KLHL29: variants seen among roughly 807,000 people sequenced by gnomAD.
KLHL29 encodes the protein kelch-like protein 29.
A neutral mutation model predicts 80.4 loss-of-function variants in KLHL29; 21 were observed. That is an observed-to-expected ratio of 0.26 (90% CI 0.19 to 0.38). The LOEUF (loss-of-function observed/expected upper bound fraction) is 0.38. Ranked by LOEUF, KLHL29 falls within the 10% of genes least tolerant of loss-of-function variation. The pLI is 1.00. For synonymous variants in KLHL29, 511 were observed against 526.8 expected (o/e 0.97, Z 0.41); for missense variants, 867 against 1,223.9 (o/e 0.71, Z 4.35).
At chr2:23,423,378 T>C (rs1421163726) in intron 1 of KLHL29, among the ~76,000 whole-genome samples, 1 of 152,078 alleles carries the variant, frequency 6.6e-6, no homozygotes, top group Non-Finnish European at 1.5e-5. Context: ...ACCGAAGGGG[T>C]CCCTTCCGCC....
At position 23,457,338 on chromosome 2, in the gene KLHL29, C is replaced by T. The variant is rs560024042; in HGVS notation, c.-153-18222C>T. ...AGGCCTTTCCTGTGAGAAGTGGTGG[C>T]TTTGAGCTGTGGGGACCTAGAGAAG... On this transcript the variant is annotated intron_variant, in intron 1 of 13. Transcript: ENST00000486442. The surrounding 1 kb of genome is among the most constrained non-coding windows in gnomAD (Gnocchi z 4.3). Among the ~76,000 whole-genome samples, 32 of 152,296 alleles carry T rather than the reference C, an allele frequency of 2.1e-4. No homozygotes were observed. The highest frequency in any genetic ancestry group is 4.0e-4 in the Non-Finnish European group (27 of 68,024).
chr2:23,412,800 T>C (rs1666898337), intron 1 of KLHL29, among the ~76,000 whole-genome samples: 1 of 152,120 alleles, frequency 6.6e-6, no homozygotes, highest in Admixed American at 6.5e-5. Flanking sequence ...ACTTGTCTCC[T>C]CCGCAAGAAG....
chr2:23,450,342 A>G (rs545205071), intron 1 of KLHL29, among the ~76,000 whole-genome samples: 1 of 152,110 alleles, frequency 6.6e-6, no homozygotes, highest in African/African-American at 2.4e-5. Context: ...TTGTTTTTCT[A>G]TAGCTTAGAT....
chr2:23,501,717 T>A (rs1203494680), intron 2 of KLHL29, among the ~76,000 whole-genome samples: 1 of 151,990 alleles, frequency 6.6e-6, no homozygotes, highest in East Asian at 1.9e-4. Flanking sequence ...AGCCTATAGG[T>A]CCCCTCTAAA....
intron 1 of KLHL29, among the ~76,000 whole-genome samples, chr2:23,447,554 G>A (rs1663734879): frequency 6.6e-6 from 1 of 152,196 alleles, no homozygotes; most frequent in African/African-American, 2.4e-5. Context: ...TCACAAATCA[G>A]TCTGCTGCAT....
intron 2 of KLHL29, among the ~76,000 whole-genome samples, chr2:23,520,112 G>A (rs769037705): frequency 1.1e-4 from 16 of 152,198 alleles, no homozygotes; most frequent in Admixed American, 5.9e-4. Context: ...GAGTGGCAGA[G>A]AGAGGAGGAC....
rs1307940248 is a variant in KLHL29 at position 23,547,680 on chromosome 2, G to A, written c.-45-14472G>A. On this transcript the variant is annotated intron_variant, in intron 2 of 13. Coordinates refer to ENST00000486442, the MANE Select transcript of KLHL29 (RefSeq NM_052920.2). ...AGTGACCACCCCTCCCGCCTCCCCCGAGAAAAACCCCAAATGCTATTTGGG... is the reference window on the plus strand; with the variant it reads ...AGTGACCACCCCTCCCGCCTCCCCCAAGAAAAACCCCAAATGCTATTTGGG... 9.9e-5 allele frequency among the ~76,000 whole-genome samples: 15 copies of A among 152,078 alleles called. No individual in the cohort carries two copies. In the East Asian group the frequency reaches 2.1e-3, roughly 22 times the overall value.
At chr2:23,639,302 A>T in intron 4 of KLHL29, 22 bp downstream of exon 4, 1 of 1,543,082 alleles carries the variant, frequency 6.5e-7, no homozygotes. Context: ...ATCGGCAGAT[A>T]GAAACGACTG....
intron 2 of KLHL29, among the ~76,000 whole-genome samples, chr2:23,554,462 T>C (rs1278877018): frequency 6.6e-6 from 1 of 152,178 alleles, no homozygotes; most frequent in Non-Finnish European, 1.5e-5. Flanking sequence ...GGATTAATCA[T>C]GCCTTCGGGG....
rs116543329 is a variant in KLHL29 at position 23,483,553 on chromosome 2, G to A, written c.-46+7886G>A. 3.6e-3 allele frequency among the ~76,000 whole-genome samples: 549 copies of A among 152,246 alleles called. 7 individuals carry two copies. Among genetic ancestry groups the A allele is most frequent in the African/African-American group, 0.013 (532 of 41,538 alleles). ...CTGACCCCAAAACAGAGACTCCTTG[G>A]CAACTCCCACTCCAACTCCAATTTG... On this transcript the variant is annotated intron_variant, in intron 2 of 13. Transcript: ENST00000486442.
intron 1 of KLHL29, among the ~76,000 whole-genome samples, chr2:23,447,896 G>A (rs779784440): frequency 9.2e-5 from 14 of 152,174 alleles, no homozygotes; most frequent in African/African-American, 3.1e-4. Context: ...GATATATGAC[G>A]TTTGTCATCT....
rs78781685 is a variant in KLHL29, at chr2:23,476,532, A to G, written c.-46+865A>G. On this transcript the variant is annotated intron_variant, in intron 2 of 13. Coordinates refer to ENST00000486442, the MANE Select transcript of KLHL29 (RefSeq NM_052920.2). ...GGGGGCATGTTATTTAGATTCCACA[A>G]TGTATCAAGCCATTTCGTATGTCGG... 2.6e-3 allele frequency among the ~76,000 whole-genome samples: 400 copies of G among 152,252 alleles called. 2 individuals carry two copies. Among genetic ancestry groups the G allele is most frequent in the African/African-American group, 8.7e-3 (363 of 41,538 alleles).
chr2:23,507,950 A>C (rs1665651891), intron 2 of KLHL29, among the ~76,000 whole-genome samples: 1 of 152,224 alleles, frequency 6.6e-6, no homozygotes, highest in Admixed American at 6.5e-5. Flanking sequence ...GGGAATGTTT[A>C]GCAGATTTTA....
chr2:23,424,036 T>G (rs1351472501), intron 1 of KLHL29, among the ~76,000 whole-genome samples: 1 of 152,222 alleles, frequency 6.6e-6, no homozygotes, highest in Non-Finnish European at 1.5e-5. Context: ...GTGCTGCCTC[T>G]TCACACGTGG....
chr2:23,517,850 A>G (rs1394072150), intron 2 of KLHL29, among the ~76,000 whole-genome samples: 2 of 152,172 alleles, frequency 1.3e-5, no homozygotes, highest in African/African-American at 2.4e-5. Context: ...TCTTGCCTCT[A>G]AGATACATTG....
At chr2:23,454,626 C>G (rs1259671224) in intron 1 of KLHL29, among the ~76,000 whole-genome samples, 1 of 152,028 alleles carries the variant, frequency 6.6e-6, no homozygotes, top group East Asian at 1.9e-4. Context: ...TTTCTGTCTC[C>G]TTGTATAATC....
chr2:23,560,908 T>C (rs895168569), intron 2 of KLHL29, among the ~76,000 whole-genome samples: 1 of 152,230 alleles, frequency 6.6e-6, no homozygotes, highest in African/African-American at 2.4e-5. Flanking sequence ...GATAGATATT[T>C]TTAAAATAAA....
At chr2:23,568,135 G>A (rs1396702018) in intron 3 of KLHL29, among the ~76,000 whole-genome samples, 1 of 151,978 alleles carries the variant, frequency 6.6e-6, no homozygotes, top group East Asian at 1.9e-4. Context: ...TGATTAAGGA[G>A]GCAAAAAGAG....
Position 23,596,721 on chromosome 2 carries a change from G to A in KLHL29, c.285+34240G>A, listed in dbSNP as rs563162878. On this transcript the variant is annotated intron_variant, in intron 3 of 13. Coordinates refer to ENST00000486442, the MANE Select transcript of KLHL29 (RefSeq NM_052920.2). The surrounding 1 kb of genome is among the most constrained non-coding windows in gnomAD (Gnocchi z 4.4). ...TAAATGAGGGCGATAGGAAGACTCC[G>A]ATGCTGGGGCAGAGCCATCTCTTAC... 2.0e-5 allele frequency among the ~76,000 whole-genome samples: 3 copies of A among 152,304 alleles called. No homozygotes were observed. The highest frequency in any genetic ancestry group is 2.4e-5 in the African/African-American group (1 of 41,560).
Sources: gnomAD v4.1 joint callset for allele counts (sites outside exome capture counted in the v4.1 genomes callset) on GRCh38, gnomAD v4.1.1 for gene constraint, Gnocchi (gnomAD v3.1) non-coding constraint, MANE v1.5 for transcripts, NCBI Gene and HGNC (gene_info 2026-07-23, HGNC 2026-07-21) for gene names.